DLG2: variants seen among roughly 807,000 people sequenced by gnomAD.
The protein encoded by DLG2 is discs large MAGUK scaffold protein 2.
In DLG2, 45 loss-of-function variants were observed where a neutral mutation model predicts 132.5. That is an observed-to-expected ratio of 0.34 (90% CI 0.27 to 0.44). The LOEUF (loss-of-function observed/expected upper bound fraction) is 0.44, where lower values mean the gene tolerates loss of function less well. Among genes scored for constraint, DLG2 ranks in the 20% least tolerant of loss-of-function variants. The pLI, the probability that DLG2 is intolerant of heterozygous loss-of-function variation, is 1.00. For synonymous variants in DLG2, 424 were observed against 419.6 expected, an observed-to-expected ratio of 1.01 and a Z score of -0.13; for missense variants, 1,045 against 1,196.9, an observed-to-expected ratio of 0.87 and a Z score of 1.87.
intron 19 of DLG2, among the ~76,000 whole-genome samples, chr11:83,576,289 G>T (rs1593547133): frequency 6.6e-6 from 1 of 152,112 alleles, no homozygotes; most frequent in Non-Finnish European, 1.5e-5. Context: ...ACACCCTCAA[G>T]TAGACTAATA....
chr11:84,590,352 C>G (rs1200618870), intron 6 of DLG2, among the ~76,000 whole-genome samples: 4 of 152,186 alleles, frequency 2.6e-5, no homozygotes, highest in African/African-American at 9.7e-5. Context: ...TCTTAGTGTT[C>G]TTAAACTGTT....
rs192235241 is a variant in DLG2, at chr11:84,293,353, T to G, written c.520-42062A>C. Among the ~76,000 whole-genome samples, 353 of 152,148 alleles carry G rather than the reference T, an allele frequency of 2.3e-3. 1 individual carries two copies. Among genetic ancestry groups the G allele is most frequent in the Middle Eastern group, 0.014 (4 of 294 alleles). ...CCATGAAATATAAGACAAAAGGTCATCACACCCTACTTTTCAATCACAATT... is the reference window on the plus strand; with the variant it reads ...CCATGAAATATAAGACAAAAGGTCAGCACACCCTACTTTTCAATCACAATT... On this transcript the variant is annotated intron_variant, in intron 7 of 27. Transcript: ENST00000376104.
chr11:85,139,200 C>T (rs2076306274), intron 5 of DLG2, among the ~76,000 whole-genome samples: 1 of 152,090 alleles, frequency 6.6e-6, no homozygotes, highest in South Asian at 2.1e-4. Context: ...TACTATCTCC[C>T]CTATCTGAAG....
At chr11:83,460,236 C>T (rs1055375424) in intron 27 of DLG2, among the ~76,000 whole-genome samples, 8 of 152,140 alleles carry the variant, frequency 5.3e-5, no homozygotes, top group Non-Finnish European at 1.2e-4. Context: ...TGGGTGCCTA[C>T]TCTGAGCCAG....
At chr11:84,625,757 A>G (rs2099621470) in intron 6 of DLG2, among the ~76,000 whole-genome samples, 1 of 152,194 alleles carries the variant, frequency 6.6e-6, no homozygotes, top group South Asian at 2.1e-4. Flanking sequence ...TTTTTGATTC[A>G]TGAACCTTGT....
chr11:85,403,140 C>T (rs1335203370), intron 3 of DLG2, among the ~76,000 whole-genome samples: 4 of 152,148 alleles, frequency 2.6e-5, no homozygotes, highest in African/African-American at 9.7e-5. Flanking sequence ...GGCACATATA[C>T]ACCATGGAAT....
chr11:85,103,629 G>GA (rs2071235516), intron 6 of DLG2, among the ~76,000 whole-genome samples: 1 of 151,858 alleles, frequency 6.6e-6, no homozygotes, highest in South Asian at 2.1e-4. Flanking sequence ...ACTTTTAAAA[G>GA]AAAATGTAGA....
intron 9 of DLG2, among the ~76,000 whole-genome samples, chr11:84,160,970 A>T (rs2095533897): frequency 6.6e-6 from 1 of 152,162 alleles, no homozygotes; most frequent in Non-Finnish European, 1.5e-5. Flanking sequence ...AAGGTATGAA[A>T]TTGTTGTCCC....
rs962380618 is a variant in DLG2 at position 85,150,010 on chromosome 11, ATTTTTTT to A, written c.282+4539_282+4545del. 3.7e-4 allele frequency among the ~76,000 whole-genome samples: 42 copies of A among 112,298 alleles called. No individual in the cohort carries two copies. The South Asian group carries it at 8.6e-3, about 23-fold the overall frequency. 73.7% of individuals were successfully genotyped at this position (112,298 alleles called of 152,430 possible). On this transcript the variant is annotated intron_variant, in intron 5 of 27. Coordinates refer to ENST00000376104, the MANE Select transcript of DLG2 (RefSeq NM_001142699.3). The stretch of plus-strand genomic sequence containing the variant: ...ATTAACTCAAAAACATCAGTTTTTA[ATTTTTTT>A]TTTTTTTTTTTTTTTTTTTTGAGAC...
chr11:84,508,267 T>C (rs914607799), intron 7 of DLG2, among the ~76,000 whole-genome samples: 5 of 152,218 alleles, frequency 3.3e-5, no homozygotes, highest in Non-Finnish European at 4.4e-5. Context: ...TTCTTGAACA[T>C]AATAAGCATA....
intron 3 of DLG2, among the ~76,000 whole-genome samples, chr11:85,492,691 G>C (rs1435609841): frequency 6.6e-6 from 1 of 151,832 alleles, no homozygotes; most frequent in Non-Finnish European, 1.5e-5. Flanking sequence ...CAAATTGGGA[G>C]GGTATATTTG....
At chr11:84,407,482 G>A (rs935765899) in intron 7 of DLG2, among the ~76,000 whole-genome samples, 4 of 152,080 alleles carry the variant, frequency 2.6e-5, no homozygotes, top group African/African-American at 9.7e-5. Context: ...TTCTTTGCCT[G>A]TTCCCCTGGC....
chr11:85,163,652 T>A (rs2078211833), intron 4 of DLG2, among the ~76,000 whole-genome samples: 1 of 152,126 alleles, frequency 6.6e-6, no homozygotes, highest in Non-Finnish European at 1.5e-5. Context: ...ATTAAAATCC[T>A]TTCACTTCCA....
At chr11:83,672,879 G>A (rs1406529254) in intron 18 of DLG2, among the ~76,000 whole-genome samples, 1 of 152,120 alleles carries the variant, frequency 6.6e-6, no homozygotes, top group African/African-American at 2.4e-5. Context: ...TGACCAACAT[G>A]GTGAAACCCG....
chr11:83,588,395 G>T (rs1009615806), intron 19 of DLG2, among the ~76,000 whole-genome samples: 1 of 151,806 alleles, frequency 6.6e-6, no homozygotes, highest in Non-Finnish European at 1.5e-5. Context: ...ACACAGCAGG[G>T]TATTCCAACA....
intron 7 of DLG2, among the ~76,000 whole-genome samples, chr11:84,521,425 G>T (rs1021957305): frequency 1.3e-5 from 2 of 152,212 alleles, no homozygotes; most frequent in Non-Finnish European, 2.9e-5. Flanking sequence ...CTAGGTGGCT[G>T]CCTTGGGAAA....
At chr11:85,077,768 C>A (rs1006302993) in intron 6 of DLG2, among the ~76,000 whole-genome samples, 1 of 151,946 alleles carries the variant, frequency 6.6e-6, no homozygotes, top group Admixed American at 6.6e-5. Context: ...AAGTCAAGTT[C>A]TTTTTTCCTG....
At chr11:85,183,994 A>G (rs1259742758) in intron 4 of DLG2, among the ~76,000 whole-genome samples, 2 of 152,030 alleles carry the variant, frequency 1.3e-5, no homozygotes, top group African/African-American at 4.8e-5. Context: ...TTTCTGTTTT[A>G]CATATATGAG....
chr11:84,642,271 T>C (rs1386388056), intron 6 of DLG2, among the ~76,000 whole-genome samples: 1 of 151,708 alleles, frequency 6.6e-6, no homozygotes, highest in Non-Finnish European at 1.5e-5. Context: ...TTCATCCAAG[T>C]AACACAGCAA....
Sources: allele counts gnomAD v4.1 joint callset (sites outside exome capture counted in the v4.1 genomes callset), GRCh38; gene constraint gnomAD v4.1.1; transcripts MANE v1.5; gene names NCBI Gene and HGNC (gene_info 2026-07-23, HGNC 2026-07-21).